CNTNAP5: variants seen among roughly 807,000 people sequenced by gnomAD.
The protein encoded by CNTNAP5 is contactin associated protein family member 5.
In CNTNAP5, 72 loss-of-function variants were observed where a neutral mutation model predicts 150.2. The observed-to-expected ratio is 0.48, with a 90% CI of 0.40 to 0.58. The LOEUF is 0.58. CNTNAP5 is among the 20% of genes least tolerant of loss of function. The pLI, the probability that CNTNAP5 is intolerant of heterozygous loss-of-function variation, is 0.00. For synonymous variants in CNTNAP5, 672 were observed against 619.8 expected (o/e 1.08, Z -1.25); for missense variants, 1,636 against 1,626.2 (o/e 1.01, Z -0.10).
chr2:124,806,693 T>C (rs1682087895), intron 19 of CNTNAP5, among the ~76,000 whole-genome samples: 4 of 152,140 alleles, frequency 2.6e-5, no homozygotes, highest in Admixed American at 2.6e-4. Context: ...TCATTGTTTA[T>C]AGAAAGAAAA....
chr2:124,057,559 G>A (rs1027580079), intron 1 of CNTNAP5, among the ~76,000 whole-genome samples: 1 of 149,630 alleles, frequency 6.7e-6, no homozygotes, highest in African/African-American at 2.5e-5. Context: ...CAAAGTGCTG[G>A]GATTACAGGC....
intron 19 of CNTNAP5, among the ~76,000 whole-genome samples, chr2:124,862,971 G>T (rs1233134577): frequency 2.0e-5 from 3 of 152,120 alleles, no homozygotes; most frequent in Non-Finnish European, 4.4e-5. Context: ...CTTGGATATT[G>T]GGGGAAGCTT....
chr2:124,517,003 C>T (rs1694734049), intron 8 of CNTNAP5, among the ~76,000 whole-genome samples: 2 of 152,164 alleles, frequency 1.3e-5, no homozygotes, highest in South Asian at 2.1e-4. Flanking sequence ...TTTTAGCCCA[C>T]CCATCCTCCA....
At position 124,919,206 on chromosome 2, in the gene CNTNAP5, C is replaced by CTGTT. The variant is rs1424157339; in HGVS notation, c.*4921_*4924dup. On this transcript the variant is annotated 3_prime_UTR_variant, in exon 24 of 24. Coordinates refer to ENST00000682447, the MANE Select transcript of CNTNAP5 (RefSeq NM_001367498.1). ...TCTCTTGAACATTCTACATACATAT[C>CTGTT]TGTTTGGTAGGGAGAGAAGCATTCC... 2.6e-5 allele frequency among the ~76,000 whole-genome samples: 4 copies of CTGTT among 152,052 alleles called. No individual in the cohort carries two copies. Among genetic ancestry groups the CTGTT allele is most frequent in the African/African-American group, 9.7e-5 (4 of 41,428 alleles).
intron 1 of CNTNAP5, among the ~76,000 whole-genome samples, chr2:124,061,176 A>G (rs1446721468): frequency 7.9e-5 from 12 of 152,198 alleles, no homozygotes. Context: ...CCATTAAACA[A>G]AGCCTCGGTA....
intron 12 of CNTNAP5, among the ~76,000 whole-genome samples, chr2:124,625,668 T>A (rs907544139): frequency 6.6e-6 from 1 of 152,168 alleles, no homozygotes; most frequent in Non-Finnish European, 1.5e-5. Context: ...TTATCCTGAC[T>A]CCTTCCGGAT....
At chr2:124,623,984 A>C (rs542156397) in intron 12 of CNTNAP5, among the ~76,000 whole-genome samples, 134 of 152,300 alleles carry the variant, frequency 8.8e-4, no homozygotes, top group African/African-American at 3.0e-3. Context: ...ATTTTTATTT[A>C]AGTGTCTCTC....
At chr2:124,811,712 G>GT (rs930355756) in intron 19 of CNTNAP5, among the ~76,000 whole-genome samples, 6 of 150,194 alleles carry the variant, frequency 4.0e-5, no homozygotes, top group South Asian at 2.1e-4. Flanking sequence ...GAGGCGGGGG[G>GT]GGTGGATCAC....
At chr2:124,572,395 T>C (rs1696186072) in intron 11 of CNTNAP5, among the ~76,000 whole-genome samples, 1 of 152,108 alleles carries the variant, frequency 6.6e-6, no homozygotes, top group Non-Finnish European at 1.5e-5. Flanking sequence ...AAATAATCTA[T>C]ACAACAAACC....
chr2:124,059,857 T>A (rs763611453), intron 1 of CNTNAP5, among the ~76,000 whole-genome samples: 4 of 152,082 alleles, frequency 2.6e-5, no homozygotes, highest in Non-Finnish European at 4.4e-5. Context: ...GCTCAGTATA[T>A]AAAAATGTCT....
At position 124,524,359 on chromosome 2, in the gene CNTNAP5, C is replaced by T. The variant is rs752392550; in HGVS notation, c.1384C>T (p.Arg462Cys). Reference protein sequence around the residue: ...HSVSINARRNRITLTLDDEAA... With the variant: ...HSVSINARRNCITLTLDDEAA... ...GGTTAGCATCAACGCCAGGAGGAAC[C>T]GCATCACGCTCACTCTGGATGATGA... The change falls in exon 9 of 24, where the codon CGC (arginine) becomes TGC (cysteine). Residue 462 changes from arginine to cysteine, a missense_variant. Physicochemically the swap from Arg to Cys is radical, Grantham distance 180. Transcript: ENST00000682447. The T allele has an allele frequency of 2.5e-4, 396 of 1,613,702 alleles. No homozygotes were observed. Among genetic ancestry groups the T allele is most frequent in the Non-Finnish European group, 3.3e-4 (384 of 1,179,810 alleles).
At chr2:124,862,430 A>C (rs1045606370) in intron 19 of CNTNAP5, among the ~76,000 whole-genome samples, 1 of 152,206 alleles carries the variant, frequency 6.6e-6, no homozygotes, top group South Asian at 2.1e-4. Flanking sequence ...TGCAATGTCT[A>C]TCATTGCTGT....
At chr2:124,163,090 A>G (rs984063628) in intron 1 of CNTNAP5, among the ~76,000 whole-genome samples, 6 of 152,160 alleles carry the variant, frequency 3.9e-5, no homozygotes, top group Admixed American at 3.9e-4. Flanking sequence ...ACTTAGAATC[A>G]TGGATTCTTA....
chr2:124,509,580 C>T (rs572191615), intron 8 of CNTNAP5, among the ~76,000 whole-genome samples: 1 of 152,246 alleles, frequency 6.6e-6, no homozygotes, highest in Admixed American at 6.5e-5. Context: ...TAGAAAGAAA[C>T]TGAGAATATG....
intron 8 of CNTNAP5, 38 bp downstream of exon 8, chr2:124,504,594 A>G (rs1467998345): frequency 6.3e-7 from 1 of 1,599,666 alleles, no homozygotes; most frequent in Admixed American, 1.7e-5. Flanking sequence ...CTTCTTGTTT[A>G]TCCAAGTCGA....
intron 12 of CNTNAP5, among the ~76,000 whole-genome samples, chr2:124,647,457 A>T (rs189703472): frequency 2.0e-5 from 3 of 152,194 alleles, no homozygotes; most frequent in Non-Finnish European, 2.9e-5. Flanking sequence ...CATTTTTGAC[A>T]TAGCGGTATT....
chr2:124,680,505 T>TC (rs757063511), intron 13 of CNTNAP5, among the ~76,000 whole-genome samples: 16 of 151,888 alleles, frequency 1.1e-4, no homozygotes, highest in Non-Finnish European at 1.9e-4. Flanking sequence ...CAGACCTGGG[T>TC]CCCAGAAGGG....
At chr2:124,592,327 G>C (rs1696704385) in intron 11 of CNTNAP5, among the ~76,000 whole-genome samples, 1 of 151,178 alleles carries the variant, frequency 6.6e-6, no homozygotes, top group Admixed American at 6.6e-5. Flanking sequence ...TATGATTTTT[G>C]CATTCCCTCT....
intron 13 of CNTNAP5, among the ~76,000 whole-genome samples, chr2:124,722,510 A>T (rs1377546262): frequency 6.6e-6 from 1 of 152,158 alleles, no homozygotes; most frequent in Non-Finnish European, 1.5e-5. Flanking sequence ...GGCAAATTTT[A>T]TTAGATTTTA....
Sources: allele counts gnomAD v4.1 joint callset (sites outside exome capture counted in the v4.1 genomes callset), GRCh38; gene constraint gnomAD v4.1.1; transcripts MANE v1.5; gene names NCBI Gene and HGNC (gene_info 2026-07-23, HGNC 2026-07-21).